The following DLGAP2 variants were observed in gnomAD, a reference collection of about 807,000 sequenced individuals.
DLGAP2 encodes the protein disks large-associated protein 2.
Under a neutral mutation model 100.3 loss-of-function variants are expected in DLGAP2, and 26 were observed. The observed-to-expected ratio is 0.26, with a 90% CI of 0.19 to 0.36. DLGAP2 has a LOEUF of 0.36. Among genes scored for constraint, DLGAP2 ranks in the 10% least tolerant of loss-of-function variants. The pLI is 1.00. For synonymous variants in DLGAP2, 886 were observed against 630.1 expected (o/e 1.41, Z -6.08); for missense variants, 1,858 against 1,453.2 (o/e 1.28, Z -4.53).
At chr8:780,227 C>T (rs762293586) in intron 1 of DLGAP2, among the ~76,000 whole-genome samples, 18 of 152,106 alleles carry the variant, frequency 1.2e-4, no homozygotes, top group Non-Finnish European at 2.2e-4. Flanking sequence ...TCCACATATC[C>T]GTGAGATCAT....
At position 1,698,234 on chromosome 8, in the gene DLGAP2, C is replaced by T. The variant is rs191095660; in HGVS notation, c.2949+935C>T. 7.2e-5 allele frequency among the ~76,000 whole-genome samples: 11 copies of T among 152,310 alleles called. No homozygotes were observed. In the East Asian group the frequency reaches 1.4e-3, roughly 19 times the overall value. On this transcript the variant is annotated intron_variant, in intron 14 of 14. Transcript: ENST00000637795. ...GACAGGGGAGTGAGGTGGGAGTGCA[C>T]AGGGTCCACGTAAGCCATGCGTGGG...
At position 1,704,844 on chromosome 8, in the gene DLGAP2, A is replaced by AG. The variant is rs1402481323; in HGVS notation, c.*3439dup. ...ATTTTTCCCTGCTGCTTCTTATGAA[A>AG]GTGGCCAGGTTTATTATTAGAAGAC... is the stretch of plus-strand genomic sequence containing the variant. On this transcript the variant is annotated 3_prime_UTR_variant, in exon 15 of 15. Transcript: ENST00000637795. 1 of 152,102 alleles carries AG rather than the reference A, an allele frequency of 6.6e-6. No individual in the cohort carries two copies. The highest frequency in any genetic ancestry group is 1.5e-5 in the Non-Finnish European group (1 of 68,026). The allele number at this position is 152,102 out of a possible 1,614,324, so 9.4% of individuals were successfully genotyped here. A position where few individuals can be genotyped will look rare whatever the true frequency, so the allele number is the denominator to read the frequency against.
chr8:1,079,852 G>T (rs990663622), intron 2 of DLGAP2, among the ~76,000 whole-genome samples: 1 of 152,246 alleles, frequency 6.6e-6, no homozygotes, highest in Non-Finnish European at 1.5e-5. Context: ...GGATTTCACA[G>T]GAGAGCAGCT....
chr8:1,305,997 G>T (rs1042139563), intron 3 of DLGAP2, among the ~76,000 whole-genome samples: 1 of 147,416 alleles, frequency 6.8e-6, no homozygotes, highest in Non-Finnish European at 1.5e-5. Flanking sequence ...CAGATATTTT[G>T]CTGAATTCCT....
At chr8:1,460,111 G>A (rs1798431409) in intron 3 of DLGAP2, among the ~76,000 whole-genome samples, 2 of 152,186 alleles carry the variant, frequency 1.3e-5, no homozygotes, top group Admixed American at 1.3e-4. Flanking sequence ...CTGGCATGTG[G>A]CCGGACTCGG....
rs531860666 is a variant in DLGAP2 at position 886,048 on chromosome 8, T to C, written c.19-21864T>C. Among the ~76,000 whole-genome samples, 21 of 152,350 alleles carry C rather than the reference T, an allele frequency of 1.4e-4. 1 individual carries two copies. In the South Asian group the frequency reaches 1.9e-3, roughly 14 times the overall value. ...CTGGTCCTGGGCTTTTTTTGGTTGA[T>C]AGGCTATTAATTACTGCCTCAATTT... On this transcript the variant is annotated intron_variant, in intron 1 of 14. Transcript: ENST00000637795.
At chr8:1,216,308 C>T (rs1798211745) in intron 2 of DLGAP2, among the ~76,000 whole-genome samples, 1 of 152,038 alleles carries the variant, frequency 6.6e-6, no homozygotes, top group African/African-American at 2.4e-5. Context: ...GCTCTGATAT[C>T]CAGGAAGGCA....
rs75183721 is a variant in DLGAP2, at chr8:1,087,741, T to G, written c.74-171110T>G. On this transcript the variant is annotated intron_variant, in intron 2 of 14. Transcript: ENST00000637795. Reference sequence around the variant, plus strand: ...CCAAAATCTACTGGACATTCTCACCTTGATGATTGGTTATCACTAACAACC... The same window carrying G: ...CCAAAATCTACTGGACATTCTCACCGTGATGATTGGTTATCACTAACAACC... Among the ~76,000 whole-genome samples the G allele has an allele frequency of 6.6e-3, 999 of 152,346 alleles. 7 individuals carry two copies. Among genetic ancestry groups the G allele is most frequent in the Non-Finnish European group, 9.0e-3 (612 of 68,032 alleles).
chr8:1,052,833 A>G (rs542605941), intron 2 of DLGAP2, among the ~76,000 whole-genome samples: 1 of 152,280 alleles, frequency 6.6e-6, no homozygotes, highest in South Asian at 2.1e-4. Context: ...ACACAGGGCA[A>G]TGACAACCTG....
intron 2 of DLGAP2, among the ~76,000 whole-genome samples, chr8:1,078,082 C>G (rs1482386066): frequency 6.6e-6 from 1 of 152,110 alleles, no homozygotes; most frequent in Non-Finnish European, 1.5e-5. Context: ...TACCTTCTGT[C>G]CCTGGTTTTC....
At chr8:1,097,865 G>A (rs1449717332) in intron 2 of DLGAP2, among the ~76,000 whole-genome samples, 4 of 148,358 alleles carry the variant, frequency 2.7e-5, no homozygotes, top group African/African-American at 7.5e-5. Flanking sequence ...TCTGTGGCAT[G>A]GAGAGGTCCC....
intron 2 of DLGAP2, among the ~76,000 whole-genome samples, chr8:1,100,513 T>TGTGTGTGTGG (rs1353830825): frequency 6.6e-6 from 1 of 152,136 alleles, no homozygotes; most frequent in Non-Finnish European, 1.5e-5. Flanking sequence ...TTGTGGTGTG[T>TGTGTGTGTGG]GTGTGTGTGT....
intron 1 of DLGAP2, among the ~76,000 whole-genome samples, chr8:906,848 T>A (rs1240418987): frequency 6.6e-6 from 1 of 152,248 alleles, no homozygotes; most frequent in Non-Finnish European, 1.5e-5. Context: ...ATTGTTTTAT[T>A]TTCTGTCTCT....
chr8:1,694,065 C>A (rs1204995368), intron 13 of DLGAP2, among the ~76,000 whole-genome samples: 2 of 152,240 alleles, frequency 1.3e-5, no homozygotes, highest in African/African-American at 4.8e-5. Flanking sequence ...TTCCTTTCTG[C>A]TCTGCCAGAA....
chr8:825,143 C>G (rs1369170785), intron 1 of DLGAP2, among the ~76,000 whole-genome samples: 1 of 152,172 alleles, frequency 6.6e-6, no homozygotes, highest in Non-Finnish European at 1.5e-5. Context: ...CCTCACTGTC[C>G]CCAAAATGAC....
chr8:1,566,969 C>T (rs2130580099), intron 6 of DLGAP2, among the ~76,000 whole-genome samples: 1 of 152,352 alleles, frequency 6.6e-6, no homozygotes, highest in East Asian at 1.9e-4. Context: ...TCTGCCCAGC[C>T]CAGGCCCATC....
At position 1,261,351 on chromosome 8, in the gene DLGAP2, T is replaced by G. The variant is rs1178938352; in HGVS notation, c.106+2468T>G. 5.8e-5 allele frequency among the ~76,000 whole-genome samples: 8 copies of G among 137,960 alleles called. No homozygotes were observed. The East Asian group carries it at 1.8e-3, about 31-fold the overall frequency. The allele number at this position is 137,960 out of a possible 152,430, so 90.5% of individuals were successfully genotyped here. On this transcript the variant is annotated intron_variant, in intron 3 of 14. Transcript: ENST00000637795. ...TCCAGATATTTAAAGCGAGACAGAC[T>G]GGGAGGGCAGGTCAGCTTCCAGATC...
intron 6 of DLGAP2, among the ~76,000 whole-genome samples, chr8:1,580,954 A>G (rs960078198): frequency 6.6e-6 from 1 of 151,624 alleles, no homozygotes; most frequent in Non-Finnish European, 1.5e-5. Context: ...AAAACCCTGC[A>G]CACATCTACA....
chr8:773,318 A>G lies in DLGAP2; in HGVS notation c.18+35493A>G, dbSNP rs535245014. Among the ~76,000 whole-genome samples, 241 of 141,482 alleles carry G rather than the reference A, an allele frequency of 1.7e-3. 12 individuals carry two copies. The South Asian group carries it at 0.053, about 31-fold the overall frequency. 92.8% of individuals were successfully genotyped at this position (141,482 alleles called of 152,430 possible). A position where few individuals can be genotyped will look rare whatever the true frequency, so the allele number is the denominator to read the frequency against. On this transcript the variant is annotated intron_variant, in intron 1 of 14. Coordinates refer to ENST00000637795, the MANE Select transcript of DLGAP2 (RefSeq NM_001346810.2). Reference sequence around the variant, plus strand: ...CATCCTCATAATCTCATTTTACCTTAATCACTTCTTTTTTTTTTTTTAAGT... The same window carrying G: ...CATCCTCATAATCTCATTTTACCTTGATCACTTCTTTTTTTTTTTTTAAGT...
Sources: gnomAD v4.1 joint callset for allele counts (sites outside exome capture counted in the v4.1 genomes callset) on GRCh38, gnomAD v4.1.1 for gene constraint, MANE v1.5 for transcripts, NCBI Gene and HGNC (gene_info 2026-07-23, HGNC 2026-07-21) for gene names.